Variants in MAPK8 observed in about 807,000 individuals in gnomAD.
MAPK8 encodes mitogen-activated protein kinase 8.
MAPK8 carries 13 observed loss-of-function variants against 52.9 expected under a neutral mutation model. The observed-to-expected ratio is 0.25, with a 90% CI of 0.16 to 0.39. MAPK8 has a LOEUF of 0.39. MAPK8 is among the 10% of genes least tolerant of loss of function. The probability of loss-of-function intolerance (pLI) is 1.00; values close to 1 mark genes in which losing one functional copy is unlikely to be tolerated. For synonymous variants in MAPK8, 191 were observed against 169.8 expected (o/e 1.12, Z -0.97); for missense variants, 300 against 519.2 (o/e 0.58, Z 4.10).
intron 10 of MAPK8, 147 bp downstream of exon 10, chr10:48,427,290 A>C (rs1379745883): frequency 3.8e-6 from 2 of 532,640 alleles, no homozygotes; most frequent in African/African-American, 1.9e-5. Flanking sequence ...AGTAGAAAGT[A>C]AGTCTGCTTC....
Position 48,374,833 on chromosome 10 carries a change from T to A in MAPK8, c.-49-26779T>A, listed in dbSNP as rs577708269. Among the ~76,000 whole-genome samples the A allele has an allele frequency of 9.4e-4, 143 of 152,328 alleles. 1 individual carries two copies. Among genetic ancestry groups the A allele is most frequent in the African/African-American group, 3.3e-3 (138 of 41,570 alleles). ...TACAAAGAGGAGCTGGTACCATTCC[T>A]TCTGAAACTACTCCAAACAATAGAA... is the stretch of plus-strand genomic sequence containing the variant. On this transcript the variant is annotated intron_variant, in intron 1 of 11. Transcript: ENST00000374189.
At chr10:48,310,937 A>G (rs1169475547) in intron 1 of MAPK8, among the ~76,000 whole-genome samples, 1 of 152,316 alleles carries the variant, frequency 6.6e-6, no homozygotes, top group East Asian at 1.9e-4. Flanking sequence ...TAGAAAGTCA[A>G]GGAACTCAAA....
At position 48,414,076 on chromosome 10, in the gene MAPK8, TC is replaced by T. The variant is rs562342815; in HGVS notation, c.450+3910del. Reference sequence around the variant, plus strand: ...ATCTTTATTTCCCATTCTTCTGTGTTCCTTTCACCTCTAGCCCTAAGCAAAC... The same window carrying T: ...ATCTTTATTTCCCATTCTTCTGTGTTCTTTCACCTCTAGCCCTAAGCAAAC... On this transcript the variant is annotated intron_variant, in intron 5 of 11. Coordinates refer to ENST00000374189, the MANE Select transcript of MAPK8 (RefSeq NM_001323329.2). Among the ~76,000 whole-genome samples, 12 of 151,922 alleles carry T rather than the reference TC, an allele frequency of 7.9e-5. No homozygotes were observed. The South Asian group carries it at 2.5e-3, about 32-fold the overall frequency.
intron 1 of MAPK8, among the ~76,000 whole-genome samples, chr10:48,379,167 C>G (rs867424491): frequency 1.1e-4 from 17 of 152,176 alleles, no homozygotes; most frequent in African/African-American, 4.1e-4. Context: ...GTAATACTTT[C>G]ACAGTTTGGT....
chr10:48,345,058 G>A (rs1025123522), intron 1 of MAPK8, among the ~76,000 whole-genome samples: 3 of 152,170 alleles, frequency 2.0e-5, no homozygotes, highest in Non-Finnish European at 2.9e-5. Flanking sequence ...ACCAAGAATT[G>A]TAATAATATA....
At chr10:48,371,236 A>C (rs1039526853) in intron 1 of MAPK8, among the ~76,000 whole-genome samples, 1 of 152,180 alleles carries the variant, frequency 6.6e-6, no homozygotes, top group Non-Finnish European at 1.5e-5. Context: ...TATTAGCTAT[A>C]GTCTGGCTTT....
chr10:48,384,816 G>A (rs776032229), intron 1 of MAPK8, among the ~76,000 whole-genome samples: 10 of 152,172 alleles, frequency 6.6e-5, no homozygotes, highest in Admixed American at 6.5e-4. Context: ...GTGGCTTACT[G>A]TGAATCCTGC....
intron 1 of MAPK8, among the ~76,000 whole-genome samples, chr10:48,326,617 T>A (rs1209663492): frequency 6.6e-6 from 1 of 152,214 alleles, no homozygotes; most frequent in Admixed American, 6.5e-5. Context: ...ATTAGAAATA[T>A]CTGTATATCT....
At chr10:48,310,257 A>T (rs999993186) in intron 1 of MAPK8, among the ~76,000 whole-genome samples, 6 of 152,184 alleles carry the variant, frequency 3.9e-5, no homozygotes, top group African/African-American at 1.4e-4. Context: ...TTTTTATAGA[A>T]GGCTTGTTCC....
intron 2 of MAPK8, among the ~76,000 whole-genome samples, chr10:48,402,414 G>A (rs1010730162): frequency 4.6e-5 from 7 of 152,196 alleles, no homozygotes; most frequent in African/African-American, 1.7e-4. Flanking sequence ...TCTATACTGG[G>A]GAATGAAGTC....
chr10:48,320,970 A>G (rs1842937869), intron 1 of MAPK8, among the ~76,000 whole-genome samples: 1 of 152,086 alleles, frequency 6.6e-6, no homozygotes, highest in African/African-American at 2.4e-5. Context: ...CTGATAGCTA[A>G]TGATATTGAA....
At chr10:48,345,130 T>C (rs1451813486) in intron 1 of MAPK8, among the ~76,000 whole-genome samples, 1 of 152,216 alleles carries the variant, frequency 6.6e-6, no homozygotes, top group African/African-American at 2.4e-5. Context: ...TAATAGATCA[T>C]AGTGGGAGAT....
At chr10:48,381,064 A>G (rs1443253352) in intron 1 of MAPK8, among the ~76,000 whole-genome samples, 1 of 152,162 alleles carries the variant, frequency 6.6e-6, no homozygotes, top group Admixed American at 6.5e-5. Context: ...AAAACCTTTT[A>G]CTATCTCCTG....
intron 3 of MAPK8, among the ~76,000 whole-genome samples, chr10:48,407,403 T>G (rs2042533463): frequency 6.6e-6 from 1 of 152,200 alleles, no homozygotes; most frequent in Admixed American, 6.5e-5. Context: ...TTCTTTGTTG[T>G]TTTTATTCAT....
At chr10:48,416,629 A>G (rs993720338) in intron 5 of MAPK8, among the ~76,000 whole-genome samples, 11 of 152,194 alleles carry the variant, frequency 7.2e-5, no homozygotes, top group Admixed American at 5.9e-4. Flanking sequence ...CCCCTGCCAA[A>G]TACCATAGAT....
chr10:48,431,326 T>G (rs2044231281), intron 11 of MAPK8, 56 bp downstream of exon 11: 6 of 1,159,306 alleles, frequency 5.2e-6, no homozygotes, highest in Non-Finnish European at 7.7e-6. Flanking sequence ...TGTTGTAATC[T>G]TCAGTGGCCT....
chr10:48,434,924 G>C lies in MAPK8; in HGVS notation c.1179G>C (p.Ser393=). The change falls in exon 12 of 12, where the codon TCG becomes TCC. Residue 393 remains serine, a synonymous_variant. Transcript: ENST00000374189. ...VINGSQHPSS[S]SSVNDVSSMS... ...ATGGCTCTCAGCATCCATCATCATC[G>C]TCGTCTGTCAATGATGTGTCTTCAA... The C allele has an allele frequency of 6.2e-7, 1 of 1,613,300 alleles. No individual in the cohort carries two copies. The highest frequency in any genetic ancestry group is 8.5e-7 in the Non-Finnish European group (1 of 1,179,752).
chr10:48,378,961 A>G (rs946769672), intron 1 of MAPK8, among the ~76,000 whole-genome samples: 12 of 152,272 alleles, frequency 7.9e-5, no homozygotes, highest in Admixed American at 6.5e-5. Context: ...AAATAGACCA[A>G]TTTATTTGCA....
intron 5 of MAPK8, among the ~76,000 whole-genome samples, chr10:48,416,451 T>C (rs2043069213): frequency 6.6e-6 from 1 of 152,216 alleles, no homozygotes; most frequent in African/African-American, 2.4e-5. Context: ...TCTGTTCTTC[T>C]GGCTGGCAAA....
Sources: gnomAD v4.1 joint callset for allele counts (sites outside exome capture counted in the v4.1 genomes callset) on GRCh38, gnomAD v4.1.1 for gene constraint, MANE v1.5 for transcripts, NCBI Gene and HGNC (gene_info 2026-07-23, HGNC 2026-07-21) for gene names.